Variants in CYP2A7 observed in about 807,000 individuals in gnomAD.
The protein encoded by CYP2A7 is cytochrome P450 2A7.
Under a neutral mutation model 42.0 loss-of-function variants are expected in CYP2A7, and 36 were observed. The ratio of observed to expected loss-of-function variants is 0.86; its 90% CI spans 0.66 to 1.13. The LOEUF is 1.13. CYP2A7 is among the 50% of genes most tolerant of loss of function. CYP2A7 has a pLI of 0.00. For missense variants in CYP2A7, 661 were observed against 634.1 expected (o/e 1.04, Z -0.46); for synonymous variants, 260 against 249.5 (o/e 1.04, Z -0.40).
Position 40,877,779 on chromosome 19 carries a change from A to G in CYP2A7, c.973+73T>C, listed in dbSNP as rs543218405. The stretch of plus-strand genomic sequence containing the variant: ...CAGGGTCCTGGGATCTGGGACAGGT[A>G]GGGACATTGCACCAGTCGAAGGGGA... On this transcript the variant is annotated intron_variant, in intron 6 of 8. Transcript: ENST00000301146. 235 of 1,543,990 alleles carry G rather than the reference A, an allele frequency of 1.5e-4. 1 individual carries two copies. In the African/African-American group the frequency reaches 2.1e-3, roughly 14 times the overall value.
chr19:40,877,997 C>A lies in CYP2A7; in HGVS notation c.832-4G>T. 6.2e-7 allele frequency: 1 copy of A among 1,609,952 alleles called. No homozygotes were observed. On this transcript the variant is annotated splice_polypyrimidine_tract_variant and splice_region_variant and intron_variant, in intron 5 of 8. Coordinates refer to ENST00000301146, the MANE Select transcript of CYP2A7 (RefSeq NM_000764.3). ...CCGTGTTGGGGTTCTTCTCCTCCTG[C>A]AGGGAGAGGGGGCTTTAGGCCAACC...
chr19:40,876,432 G>A, intron 8 of CYP2A7, 95 bp downstream of exon 8: 1 of 1,596,944 alleles, frequency 6.3e-7, no homozygotes, highest in Non-Finnish European at 8.6e-7. Context: ...TTCCAAGCTG[G>A]AGAAATACCA....
At position 40,877,222 on chromosome 19, in the gene CYP2A7, C is replaced by A. The variant is rs1315257339; in HGVS notation, c.1129G>T (p.Asp377Tyr). The A allele has an allele frequency of 6.2e-7, 1 of 1,612,618 alleles. No homozygotes were observed. Among genetic ancestry groups the A allele is most frequent in the Non-Finnish European group, 8.5e-7 (1 of 1,179,166 alleles). Residue 377 changes from aspartate to tyrosine, a missense_variant, in exon 7 of 9, where the codon GAC (aspartate) becomes TAC (tyrosine). Asp to Tyr is a radical substitution (Grantham distance 160, BLOSUM62 -3). Transcript: ENST00000301146. ...AGGAAAAAATCCCGAAACTTGGTGT[C>A]CTTTTTAACCCTGCGGGCCAAACTC... ...PMSLARRVKK[D>Y]TKFRDFFLPK...
intron 1 of CYP2A7, 80 bp downstream of exon 1, chr19:40,881,951 C>G (rs1207821624): frequency 6.4e-7 from 1 of 1,555,548 alleles, no homozygotes; most frequent in African/African-American, 1.4e-5. Flanking sequence ...CTGGTCCACA[C>G]TGGTCAATCC....
At position 40,880,216 on chromosome 19, in the gene CYP2A7, C is replaced by G. The variant is rs748547247; in HGVS notation, c.522G>C (p.Leu174=). The part of the protein sequence containing the change: ...HGANIDPTFF[L]SRTVSNVISS... ...TGATGACATTGGAGACTGTGCGGCT[C>G]AGGAAGAAGGTGGGATCGATATTGG... The change falls in exon 4 of 9, where the codon CTG becomes CTC. Residue 174 remains leucine, a synonymous_variant. Coordinates refer to ENST00000301146, the MANE Select transcript of CYP2A7 (RefSeq NM_000764.3). The G allele has an allele frequency of 2.5e-6, 4 of 1,612,584 alleles. No individual in the cohort carries two copies. The highest frequency in any genetic ancestry group is 3.4e-6 in the Non-Finnish European group (4 of 1,179,192).
At chr19:40,876,057 T>C (rs1288519924) in intron 8 of CYP2A7, among the ~76,000 whole-genome samples, 183 bp from the exon 9 acceptor site, 1 of 151,806 alleles carries the variant, frequency 6.6e-6, no homozygotes, top group African/African-American at 2.4e-5. Context: ...GATGTAACAA[T>C]GGTGAACCAA....
At chr19:40,878,561 C>G (rs1967588073) in intron 5 of CYP2A7, among the ~76,000 whole-genome samples, 199 bp downstream of exon 5, 1 of 151,846 alleles carries the variant, frequency 6.6e-6, no homozygotes, top group East Asian at 1.9e-4. Flanking sequence ...TCTTGAACTC[C>G]TGACCTCAGG....
At position 40,880,800 on chromosome 19, in the gene CYP2A7, A is replaced by AC. The variant is rs1568527924; in HGVS notation, c.344-173_344-172insG. ...AAACTCAGTCAGAGAAACACGAGGG[A>AC]GAGAGAGAGAGAGAGAGAGAGAGAG... On this transcript the variant is annotated intron_variant, in intron 2 of 8. Coordinates refer to ENST00000301146, the MANE Select transcript of CYP2A7 (RefSeq NM_000764.3). Among the ~76,000 whole-genome samples the AC allele has an allele frequency of 5.3e-3, 11 of 2,060 alleles. 3 individuals carry two copies. Among genetic ancestry groups the AC allele is most frequent in the Non-Finnish European group, 9.9e-3 (8 of 806 alleles). 1.4% of individuals were successfully genotyped at this position (2,060 alleles called of 152,430 possible).
chr19:40,878,002 A>G lies in CYP2A7; in HGVS notation c.832-9T>C, dbSNP rs768114410. On this transcript the variant is annotated splice_polypyrimidine_tract_variant and intron_variant, in intron 5 of 8. Transcript: ENST00000301146. ...TTGGGGTTCTTCTCCTCCTGCAGGG[A>G]GAGGGGGCTTTAGGCCAACCTCACT... is the stretch of plus-strand genomic sequence containing the variant. 3.1e-6 allele frequency: 5 copies of G among 1,608,938 alleles called. No homozygotes were observed. Among genetic ancestry groups the G allele is most frequent in the East Asian group, 2.2e-5 (1 of 44,830 alleles).
intron 3 of CYP2A7, 44 bp downstream of exon 3, chr19:40,880,435 G>T (rs1967630072): frequency 6.2e-7 from 1 of 1,601,346 alleles, no homozygotes; most frequent in Non-Finnish European, 8.5e-7. Flanking sequence ...CTCGTCCTGG[G>T]TGTTTTCCTT....
intron 4 of CYP2A7, among the ~76,000 whole-genome samples, chr19:40,879,242 A>T (rs1967603360): frequency 6.6e-6 from 1 of 151,594 alleles, no homozygotes; most frequent in Non-Finnish European, 1.5e-5. Flanking sequence ...GTTGAGTTGG[A>T]AGACACCTGT....
In CYP2A7 at chr19:40,882,225, G is replaced by C; in HGVS notation, c.-15C>G. 6.2e-7 allele frequency: 1 copy of C among 1,611,740 alleles called. No homozygotes were observed. Among genetic ancestry groups the C allele is most frequent in the Non-Finnish European group, 8.5e-7 (1 of 1,178,404 alleles). The stretch of plus-strand genomic sequence containing the variant: ...GAGGCCAGCATGGTGGTAGTGAGAT[G>C]ACAGATGGTGATGGGTGGGGTGGTT... On this transcript the variant is annotated 5_prime_UTR_variant, in exon 1 of 9. Transcript: ENST00000301146.
At chr19:40,876,234 A>G (rs575568442) in intron 8 of CYP2A7, 2 of 601,862 alleles carry the variant, frequency 3.3e-6, no homozygotes, top group East Asian at 6.1e-5. Flanking sequence ...CTTGCCAGAT[A>G]CACTTGCAAA....
intron 3 of CYP2A7, 70 bp downstream of exon 3, chr19:40,880,409 G>A (rs1285386625): frequency 3.8e-6 from 6 of 1,576,778 alleles, no homozygotes; most frequent in Non-Finnish European, 5.2e-6. Context: ...TCCGCAGGCA[G>A]AACGCGCGCG....
chr19:40,880,851 GA>G (rs1024996750), intron 2 of CYP2A7, among the ~76,000 whole-genome samples: 2 of 103,144 alleles, frequency 1.9e-5, no homozygotes, highest in Non-Finnish European at 4.2e-5. Context: ...GAGAGAGAGA[GA>G]GAGAGAGAGA....
intron 2 of CYP2A7, 135 bp from the exon 3 acceptor site, chr19:40,880,763 C>G (rs780309509): frequency 4.9e-6 from 2 of 409,802 alleles, no homozygotes; most frequent in East Asian, 9.9e-5. Context: ...TGCCAGTGCC[C>G]AGGACAGGTG....
chr19:40,880,419 G>C (rs1256399616), intron 3 of CYP2A7, 60 bp downstream of exon 3: 48 of 1,584,720 alleles, frequency 3.0e-5, no homozygotes, highest in Non-Finnish European at 4.0e-5. Flanking sequence ...GAACGCGCGC[G>C]GGTTCCTCGT....
intron 8 of CYP2A7, 87 bp downstream of exon 8, chr19:40,876,440 C>T: frequency 1.2e-6 from 2 of 1,601,378 alleles, no homozygotes; most frequent in Non-Finnish European, 1.7e-6. Flanking sequence ...TGGAGAAATA[C>T]CAGGCTACAC....
rs374954154 is a variant in CYP2A7 at position 40,880,649 on chromosome 19, G to T, written c.344-21C>A. The stretch of plus-strand genomic sequence containing the variant: ...CACGCCTGGGGAGGTCAAGGCGGGG[G>T]TGGAGAGAGGTCAGGGGGCGGCGGT... On this transcript the variant is annotated intron_variant, in intron 2 of 8. Transcript: ENST00000301146. The T allele has an allele frequency of 4.2e-4, 662 of 1,588,786 alleles. 91 individuals are homozygous for T. The African/African-American group carries it at 7.0e-3, about 17-fold the overall frequency.
Sources: allele counts gnomAD v4.1 joint callset (sites outside exome capture counted in the v4.1 genomes callset), GRCh38; gene constraint gnomAD v4.1.1; transcripts MANE v1.5; gene names NCBI Gene and HGNC (gene_info 2026-07-23, HGNC 2026-07-21).